RPH3A: variants seen among roughly 807,000 people sequenced by gnomAD.
RPH3A encodes the protein rabphilin 3A.
Under a neutral mutation model 102.2 loss-of-function variants are expected in RPH3A, and 48 were observed. That is an observed-to-expected ratio of 0.47 (90% CI 0.37 to 0.60). RPH3A has a LOEUF of 0.60. Ranked by LOEUF, RPH3A falls within the 20% of genes least tolerant of loss-of-function variation. The pLI is 0.00. For synonymous variants in RPH3A, 310 were observed against 324.3 expected (o/e 0.96, Z 0.47); for missense variants, 781 against 910.1 (o/e 0.86, Z 1.83).
chr12:112,895,479 C>A (rs2043164916), intron 20 of RPH3A: 1 of 313,300 alleles, frequency 3.2e-6, no homozygotes, highest in South Asian at 7.0e-5. Context: ...GGACTATGTT[C>A]ATGGCCATTT....
rs3036138 is a variant in RPH3A, at chr12:112,576,909, C to CTTTTTTTTTTTTTTT, written c.-140+1604_-140+1605insTTTTTTTTTTTTTTT. 2.6e-5 allele frequency among the ~76,000 whole-genome samples: 3 copies of CTTTTTTTTTTTTTTT among 114,602 alleles called. 1 individual carries two copies. Among genetic ancestry groups the CTTTTTTTTTTTTTTT allele is most frequent in the African/African-American group, 7.1e-5 (2 of 28,012 alleles). 75.2% of individuals were successfully genotyped at this position (114,602 alleles called of 152,430 possible). On this transcript the variant is annotated intron_variant, in intron 1 of 21. Coordinates refer to the RPH3A transcript ENST00000543106. ...TTCTTTTCTTTTTTTTCTTTTCTTC[C>CTTTTTTTTTTTTTTT]TTTTTTTTTTTTTTGAGATAGAGTC...
intron 1 of RPH3A, among the ~76,000 whole-genome samples, chr12:112,706,107 A>G (rs992449212): frequency 3.9e-5 from 6 of 152,236 alleles, no homozygotes; most frequent in Non-Finnish European, 8.8e-5. Flanking sequence ...CATGGAGACT[A>G]GAGCAGACAC....
intron 1 of RPH3A, among the ~76,000 whole-genome samples, chr12:112,653,214 C>A (rs1467307085): frequency 2.0e-5 from 3 of 151,812 alleles, no homozygotes; most frequent in South Asian, 4.2e-4. Context: ...AACGGTGAAA[C>A]CCCATCGCTA....
chr12:112,865,652 G>A, intron 6 of RPH3A, 109 bp downstream of exon 6: 1 of 1,212,630 alleles, frequency 8.2e-7, no homozygotes, highest in East Asian at 2.5e-5. Flanking sequence ...CTTGGATCCT[G>A]AAGATCACTT....
chr12:112,786,301 C>T (rs2041050639), intron 1 of RPH3A, among the ~76,000 whole-genome samples: 1 of 152,234 alleles, frequency 6.6e-6, no homozygotes, highest in Non-Finnish European at 1.5e-5. Context: ...CACGACTGCC[C>T]TTTTCCTTGT....
chr12:112,693,723 C>T (rs1020350710), intron 1 of RPH3A, among the ~76,000 whole-genome samples: 3 of 152,218 alleles, frequency 2.0e-5, no homozygotes, highest in African/African-American at 7.2e-5. Flanking sequence ...TCCCTGATCA[C>T]TTTTTCTAGT....
chr12:112,708,390 G>A (rs1188341577), intron 1 of RPH3A, among the ~76,000 whole-genome samples: 1 of 152,192 alleles, frequency 6.6e-6, no homozygotes, highest in African/African-American at 2.4e-5. Context: ...AGGCTGCTGG[G>A]AAGAGAGATG....
rs567740447 is a variant in RPH3A, at chr12:112,898,212, T to TA, written c.*1440dup. 3.0e-3 allele frequency: 461 copies of TA among 152,152 alleles called. No individual in the cohort carries two copies. Among genetic ancestry groups the TA allele is most frequent in the African/African-American group, 0.01 (431 of 41,502 alleles). The allele number at this position is 152,152 out of a possible 1,614,324, so 9.4% of individuals were successfully genotyped here. On this transcript the variant is annotated 3_prime_UTR_variant, in exon 22 of 22. Coordinates refer to ENST00000389385, the MANE Select transcript of RPH3A (RefSeq NM_001143854.2). ...TCATCAATCTTTCACTTTCTTCCTA[T>TA]AAAAAAAATTATTTTATAAAGGAGG...
At chr12:112,849,435 GCA>G (rs376665340) in intron 5 of RPH3A, among the ~76,000 whole-genome samples, 1 of 139,086 alleles carries the variant, frequency 7.2e-6, no homozygotes, top group Non-Finnish European at 1.5e-5. Context: ...GTGTGTGTGT[GCA>G]TGTGTGTGTA....
chr12:112,781,343 G>A (rs111901043), intron 1 of RPH3A, among the ~76,000 whole-genome samples: 6 of 152,130 alleles, frequency 3.9e-5, no homozygotes, highest in Non-Finnish European at 5.9e-5. Flanking sequence ...GAAAGGGCTC[G>A]CAAGAGGTTC....
At chr12:112,775,251 C>T (rs2040958209) in intron 1 of RPH3A, among the ~76,000 whole-genome samples, 2 of 152,052 alleles carry the variant, frequency 1.3e-5, no homozygotes, top group Admixed American at 1.3e-4. Context: ...TTGGAAAAAA[C>T]CACAGGCTAT....
Position 112,771,574 on chromosome 12 carries a change from C to T in RPH3A, c.-139-20569C>T, listed in dbSNP as rs1219035821. Among the ~76,000 whole-genome samples the T allele has an allele frequency of 2.6e-5, 4 of 152,056 alleles. No individual in the cohort carries two copies. In the East Asian group the frequency reaches 7.7e-4, roughly 29 times the overall value. The stretch of plus-strand genomic sequence containing the variant: ...TGTTTGAATAAATCTGTGAGAAATT[C>T]CTGGAAATAGAATTGCTGAGTCAAA... On this transcript the variant is annotated intron_variant, in intron 1 of 21. Transcript: ENST00000543106.
chr12:112,802,994 G>C (rs1593017739), intron 2 of RPH3A, among the ~76,000 whole-genome samples: 2 of 152,304 alleles, frequency 1.3e-5, no homozygotes, highest in African/African-American at 4.8e-5. Context: ...GTCCTTGAGT[G>C]GCCAGAGAGG....
intron 1 of RPH3A, among the ~76,000 whole-genome samples, chr12:112,621,618 G>A (rs1302467890): frequency 1.3e-5 from 2 of 151,452 alleles, no homozygotes; most frequent in Admixed American, 6.6e-5. Flanking sequence ...CAAGGCGGCA[G>A]CGAGGCTGGG....
chr12:112,701,296 G>A (rs1033599035), intron 1 of RPH3A, among the ~76,000 whole-genome samples: 1 of 152,194 alleles, frequency 6.6e-6, no homozygotes, highest in African/African-American at 2.4e-5. Flanking sequence ...AATGATAGAT[G>A]GGGGTGTGAA....
At chr12:112,604,835 G>A (rs1023694676) in intron 1 of RPH3A, among the ~76,000 whole-genome samples, 5 of 152,174 alleles carry the variant, frequency 3.3e-5, no homozygotes, top group African/African-American at 4.8e-5. Context: ...TCCTTGTCTC[G>A]TGGATCTTTC....
At chr12:112,828,875 G>A (rs1336699813) in intron 3 of RPH3A, among the ~76,000 whole-genome samples, 3 of 152,192 alleles carry the variant, frequency 2.0e-5, no homozygotes, top group African/African-American at 7.2e-5. Flanking sequence ...TCACACGAAA[G>A]TCCAGATTTC....
intron 1 of RPH3A, among the ~76,000 whole-genome samples, chr12:112,723,313 T>C (rs1346634230): frequency 1.3e-5 from 2 of 152,228 alleles, no homozygotes; most frequent in Non-Finnish European, 2.9e-5. Flanking sequence ...TATTGTATAC[T>C]GTAGTCTTAC....
chr12:112,891,272 C>A, intron 19 of RPH3A: 1 of 461,152 alleles, frequency 2.2e-6, no homozygotes, highest in Non-Finnish European at 3.9e-6. Context: ...TGCAACTAAG[C>A]TAATTAGTTA....
Sources: allele counts gnomAD v4.1 joint callset (sites outside exome capture counted in the v4.1 genomes callset), GRCh38; gene constraint gnomAD v4.1.1; transcripts MANE v1.5; gene names NCBI Gene and HGNC (gene_info 2026-07-23, HGNC 2026-07-21).